DDX31: variants seen among roughly 807,000 people sequenced by gnomAD.
DDX31 encodes DEAD-box helicase 31.
A neutral mutation model predicts 91.3 loss-of-function variants in DDX31; 70 were observed. The observed-to-expected ratio is 0.77, with a 90% CI of 0.63 to 0.94. DDX31 has a LOEUF of 0.94. Ranked by LOEUF, DDX31 falls within the 40% of genes least tolerant of loss-of-function variation. The pLI is 0.00. For synonymous variants in DDX31, 362 were observed against 350.6 expected (o/e 1.03, Z -0.36); for missense variants, 902 against 925.0 (o/e 0.98, Z 0.32).
intron 16 of DDX31, among the ~76,000 whole-genome samples, chr9:132,627,007 C>T (rs1832436045): frequency 6.6e-6 from 1 of 152,126 alleles, no homozygotes; most frequent in Admixed American, 6.5e-5. Context: ...GTATTGAACT[C>T]GCCTCTCATT....
intron 3 of DDX31, 129 bp from the exon 4 acceptor site, chr9:132,661,380 G>T: frequency 1.2e-6 from 1 of 811,768 alleles, no homozygotes; most frequent in Non-Finnish European, 1.9e-6. Context: ...CTCCACCCAG[G>T]TGGTGCTCTC....
intron 4 of DDX31, 86 bp downstream of exon 4, chr9:132,661,122 A>C (rs1345409160): frequency 8.3e-7 from 1 of 1,203,258 alleles, no homozygotes; most frequent in Non-Finnish European, 1.2e-6. Context: ...GCCAAGACAC[A>C]AATTTGCTCT....
At position 132,630,405 on chromosome 9, in the gene DDX31, TA is replaced by T; in HGVS notation, c.1492-3del. ...TGCAGGTGAAGATGGAGCGTTGTAC[TA>T]AAAAGGGTAACAAAAATGAAGGCAT... On this transcript the variant is annotated splice_polypyrimidine_tract_variant and splice_region_variant and intron_variant, in intron 15 of 19. Coordinates refer to ENST00000372159, the MANE Select transcript of DDX31 (RefSeq NM_022779.9). 6.3e-7 allele frequency: 1 copy of T among 1,580,322 alleles called. No individual in the cohort carries two copies. Among genetic ancestry groups the T allele is most frequent in the South Asian group, 1.1e-5 (1 of 88,488 alleles).
At chr9:132,628,176 AG>A (rs1832511130) in intron 16 of DDX31, among the ~76,000 whole-genome samples, 1 of 152,262 alleles carries the variant, frequency 6.6e-6, no homozygotes, top group Admixed American at 6.5e-5. Flanking sequence ...AGTTGATTAC[AG>A]TGCACCCACG....
At chr9:132,613,352 G>A (rs1394460411) in intron 18 of DDX31, among the ~76,000 whole-genome samples, 2 of 152,132 alleles carry the variant, frequency 1.3e-5, no homozygotes, top group Non-Finnish European at 2.9e-5. Context: ...AACAATTTAG[G>A]GACATTCATC....
rs374993005 is a variant in DDX31 at position 132,646,171 on chromosome 9, T to C, written c.1204-100A>G. The C allele has an allele frequency of 1.7e-5, 21 of 1,246,906 alleles. No homozygotes were observed. In the East Asian group the frequency reaches 4.9e-4, roughly 29 times the overall value. The allele number at this position is 1,246,906 out of a possible 1,614,324, so 77.2% of individuals were successfully genotyped here. A position where few individuals can be genotyped will look rare whatever the true frequency, so the allele number is the denominator to read the frequency against. On this transcript the variant is annotated intron_variant, in intron 12 of 19. Transcript: ENST00000372159. ...CTATACAGTCATGCTGACCCCCATT[T>C]GGAAATAAAGGTGACTATCTTTGAA...
intron 1 of DDX31, among the ~76,000 whole-genome samples, chr9:132,668,449 AAGAGTT>A (rs1835459190): frequency 6.6e-6 from 1 of 152,194 alleles, no homozygotes; most frequent in Non-Finnish European, 1.5e-5. Flanking sequence ...TGGCGACCAA[AAGAGTT>A]AAACTCAAAA....
intron 1 of DDX31, chr9:132,663,101 G>A (rs1835085843): frequency 9.1e-7 from 1 of 1,101,626 alleles, no homozygotes; most frequent in Non-Finnish European, 1.2e-6. Context: ...GAGAAAAGAG[G>A]GGTGGGGGAA....
intron 1 of DDX31, chr9:132,663,164 A>G: frequency 7.8e-7 from 1 of 1,288,164 alleles, no homozygotes; most frequent in Non-Finnish European, 1.0e-6. Flanking sequence ...CACAGGAGAG[A>G]GGGGCGAGGG....
intron 14 of DDX31, among the ~76,000 whole-genome samples, chr9:132,641,250 T>C (rs1833488785): frequency 6.6e-6 from 1 of 152,252 alleles, no homozygotes; most frequent in Admixed American, 6.5e-5. Context: ...AGTATCTTTG[T>C]TTCTACCCAG....
chr9:132,643,428 T>G (rs1040098076), intron 13 of DDX31, among the ~76,000 whole-genome samples: 1 of 152,262 alleles, frequency 6.6e-6, no homozygotes, highest in Non-Finnish European at 1.5e-5. Context: ...AGTCACTATG[T>G]GCTGTGGCAT....
chr9:132,651,562 T>C (rs1406235598), intron 7 of DDX31, among the ~76,000 whole-genome samples: 2 of 152,230 alleles, frequency 1.3e-5, no homozygotes, highest in South Asian at 2.1e-4. Flanking sequence ...GAGCGATGAC[T>C]GTATTCTACA....
rs965434704 is a variant in DDX31, at chr9:132,638,095, G to A, written c.1440+3909C>T. On this transcript the variant is annotated intron_variant, in intron 14 of 19. Coordinates refer to ENST00000372159, the MANE Select transcript of DDX31 (RefSeq NM_022779.9). ...CTTCTGAAAAAGAAATGCACGCGCC[G>A]GACAGCCAAGGAGGATGCCAAGGGA... The A allele has an allele frequency of 2.5e-5, 32 of 1,295,720 alleles. 1 individual carries two copies. Among genetic ancestry groups the A allele is most frequent in the Admixed American group, 7.1e-5 (2 of 28,092 alleles). 80.3% of individuals were successfully genotyped at this position (1,295,720 alleles called of 1,614,324 possible). A position where few individuals can be genotyped will look rare whatever the true frequency, so the allele number is the denominator to read the frequency against.
At chr9:132,663,121 T>C (rs1482550178) in intron 1 of DDX31, 3 of 1,249,930 alleles carry the variant, frequency 2.4e-6, no homozygotes, top group Non-Finnish European at 3.1e-6. Flanking sequence ...AAACGAATCT[T>C]TTCTCTCCAC....
At chr9:132,649,352 G>C (rs1326722844) in intron 9 of DDX31, among the ~76,000 whole-genome samples, 1 of 152,216 alleles carries the variant, frequency 6.6e-6, no homozygotes, top group African/African-American at 2.4e-5. Context: ...CCTTCAGAGG[G>C]AGCAGGTATG....
chr9:132,605,635 C>T (rs1337084989), intron 19 of DDX31, among the ~76,000 whole-genome samples: 1 of 152,184 alleles, frequency 6.6e-6, no homozygotes, highest in East Asian at 1.9e-4. Flanking sequence ...GCTGCCACCA[C>T]AACAGACCAG....
chr9:132,652,546 C>T (rs534352656), intron 6 of DDX31, 54 bp from the exon 7 acceptor site: 5 of 1,608,236 alleles, frequency 3.1e-6, no homozygotes. Context: ...AGGCAGACTC[C>T]AAACGGACAG....
chr9:132,661,107 C>T (rs1834905844), intron 4 of DDX31, 101 bp downstream of exon 4: 3 of 1,001,234 alleles, frequency 3.0e-6, no homozygotes, highest in Non-Finnish European at 4.7e-6. Context: ...GCACTGTGTT[C>T]CAACGCCAAG....
intron 16 of DDX31, among the ~76,000 whole-genome samples, chr9:132,626,638 CT>C (rs1478513218): frequency 8.5e-4 from 123 of 145,040 alleles, no homozygotes; most frequent in Admixed American, 8.2e-4. Flanking sequence ...GTTGTATGCT[CT>C]TTTTTTTTTT....
Sources: gnomAD v4.1 joint callset for allele counts (sites outside exome capture counted in the v4.1 genomes callset) on GRCh38, gnomAD v4.1.1 for gene constraint, MANE v1.5 for transcripts, NCBI Gene and HGNC (gene_info 2026-07-23, HGNC 2026-07-21) for gene names.